RNF17: variants seen among roughly 807,000 people sequenced by gnomAD.
RNF17 encodes the protein spermatogenesis associated 23.
A neutral mutation model predicts 200.5 loss-of-function variants in RNF17; 31 were observed. The observed-to-expected ratio is 0.15, with a 90% CI of 0.12 to 0.21. The LOEUF is 0.21. Ranked by LOEUF, RNF17 falls within the 10% of genes least tolerant of loss-of-function variation. The pLI is 1.00. For missense variants in RNF17, 1,628 were observed against 1,905.1 expected, an observed-to-expected ratio of 0.85 and a Z score of 2.71; for synonymous variants, 606 against 637.8, an observed-to-expected ratio of 0.95 and a Z score of 0.75.
At chr13:24,795,479 C>T (rs77972381) in intron 10 of RNF17, among the ~76,000 whole-genome samples, 2,693 of 148,740 alleles carry the variant, frequency 0.018, 38 homozygotes, top group Middle Eastern at 0.048. Context: ...TTTTGCATTC[C>T]TTCCTTAACA....
chr13:24,828,479 C>T (rs1425994500), intron 16 of RNF17, among the ~76,000 whole-genome samples: 2 of 152,028 alleles, frequency 1.3e-5, no homozygotes, highest in East Asian at 3.9e-4. Flanking sequence ...TCAGCTGTTT[C>T]GTTGTTTACT....
intron 7 of RNF17, 28 bp downstream of exon 7, chr13:24,788,187 A>C: frequency 1.3e-6 from 2 of 1,521,524 alleles, no homozygotes; most frequent in Non-Finnish European, 1.8e-6. Flanking sequence ...AATGTGAGTT[A>C]TTTCTGTGGT....
chr13:24,776,883 CAT>C (rs1250970011), intron 3 of RNF17, among the ~76,000 whole-genome samples: 1 of 152,138 alleles, frequency 6.6e-6, no homozygotes, highest in African/African-American at 2.4e-5. Flanking sequence ...TTTTCTGACA[CAT>C]GATGCCAGTC....
At chr13:24,856,096 T>G (rs1358688004) in intron 25 of RNF17, among the ~76,000 whole-genome samples, 1 of 150,610 alleles carries the variant, frequency 6.6e-6, no homozygotes, top group Non-Finnish European at 1.5e-5. Flanking sequence ...TTATCAATCT[T>G]CTTTGTTTTT....
At chr13:24,883,098 T>C, downstream of RNF17, 1 of 1,274,430 alleles carries the variant, frequency 7.8e-7, no homozygotes, top group Admixed American at 1.7e-5. Context: ...ACACAATAAA[T>C]TAAACAGAAT....
chr13:24,837,507 C>T (rs1890146014), intron 18 of RNF17, among the ~76,000 whole-genome samples: 1 of 152,102 alleles, frequency 6.6e-6, no homozygotes, highest in Admixed American at 6.6e-5. Context: ...CTCTCTCAGA[C>T]CACAGTGAAA....
intron 22 of RNF17, 118 bp from the exon 23 acceptor site, chr13:24,850,223 T>TA: frequency 2.0e-6 from 1 of 503,226 alleles, no homozygotes; most frequent in Middle Eastern, 4.7e-4. Context: ...TTGTTTTTTT[T>TA]ACTACATATA....
chr13:24,811,527 C>A (rs1886616182), intron 15 of RNF17, among the ~76,000 whole-genome samples: 1 of 151,772 alleles, frequency 6.6e-6, no homozygotes, highest in Non-Finnish European at 1.5e-5. Flanking sequence ...ATTGGTTATT[C>A]TAGTTATACA....
At chr13:24,846,286 A>G (rs932406976) in intron 22 of RNF17, among the ~76,000 whole-genome samples, 1 of 152,216 alleles carries the variant, frequency 6.6e-6, no homozygotes, top group African/African-American at 2.4e-5. Flanking sequence ...GGCCTGCAGA[A>G]TGTTTTTTGA....
intron 6 of RNF17, among the ~76,000 whole-genome samples, chr13:24,783,296 G>GTT (rs1286437651): frequency 6.6e-6 from 1 of 152,138 alleles, no homozygotes; most frequent in African/African-American, 2.4e-5. Context: ...GACTACTGTT[G>GTT]TTTTGTAGTA....
chr13:24,759,100 A>AAAC, the RNF17 span, among the ~76,000 whole-genome samples: 7 of 151,472 alleles, frequency 4.6e-5, no homozygotes, highest in Admixed American at 3.3e-4. Flanking sequence ...AAAAAAAAAA[A>AAAC]AAACAACACT....
At chr13:24,755,944 A>G in the RNF17 span, among the ~76,000 whole-genome samples, 57 of 152,328 alleles carry the variant, frequency 3.7e-4, no homozygotes, top group Non-Finnish European at 7.4e-4. Flanking sequence ...TAGTATGTAA[A>G]GCAAACACAT....
At chr13:24,885,971 T>C in the RNF17 span, 1 of 429,480 alleles carries the variant, frequency 2.3e-6, no homozygotes, top group Non-Finnish European at 4.3e-6. Flanking sequence ...AAGGTGCAGA[T>C]AAAAGAGGCA....
intron 29 of RNF17, among the ~76,000 whole-genome samples, chr13:24,865,917 T>A (rs952262195): frequency 3.3e-5 from 5 of 152,196 alleles, no homozygotes; most frequent in African/African-American, 1.2e-4. Flanking sequence ...CCCACTCTTA[T>A]AATAAATGAA....
At chr13:24,862,226 A>G (rs1189420538) in intron 27 of RNF17, among the ~76,000 whole-genome samples, 1 of 152,188 alleles carries the variant, frequency 6.6e-6, no homozygotes. Context: ...TGTCCACCAT[A>G]AGTGTAGTCA....
In RNF17 at chr13:24,789,436, A is replaced by G; in HGVS notation, c.860+12A>G. ...AGGAACCCTCCCAGGTAAGTAAGTC[A>G]TAGTTCAGGAGACCATAACAAGTAT... On this transcript the variant is annotated intron_variant, in intron 8 of 35. Transcript: ENST00000255324. 2 of 1,535,432 alleles carry G rather than the reference A, an allele frequency of 1.3e-6. No homozygotes were observed. The highest frequency in any genetic ancestry group is 1.8e-6 in the Non-Finnish European group (2 of 1,110,470).
chr13:24,802,756 A>T (rs1345243549), intron 14 of RNF17, among the ~76,000 whole-genome samples, 185 bp downstream of exon 14: 1 of 152,162 alleles, frequency 6.6e-6, no homozygotes, highest in Admixed American at 6.5e-5. Context: ...AGATAATTGG[A>T]TTTAAGAAAA....
intron 25 of RNF17, among the ~76,000 whole-genome samples, chr13:24,854,467 AT>A (rs11395842): frequency 0.011 from 1,695 of 149,018 alleles, 73 homozygotes; most frequent in Admixed American, 0.083. Context: ...TCAGATGCCA[AT>A]TTTTTTTTTT....
At position 24,768,287 on chromosome 13, in the gene RNF17, C is replaced by CTTT. The variant is rs34718905; in HGVS notation, c.225+934_225+936dup. Among the ~76,000 whole-genome samples, 123 of 136,240 alleles carry CTTT rather than the reference C, an allele frequency of 9.0e-4. 4 individuals carry two copies. The highest frequency in any genetic ancestry group is 1.3e-3 in the East Asian group (6 of 4,694). The allele number at this position is 136,240 out of a possible 152,430, so 89.4% of individuals were successfully genotyped here. A position where few individuals can be genotyped will look rare whatever the true frequency, so the allele number is the denominator to read the frequency against. ...GAAAGTTGACTCAAGCTGTAAATTC[C>CTTT]TTTTTTTTTTTTTTTGAGACGGAGT... is the stretch of plus-strand genomic sequence containing the variant. On this transcript the variant is annotated intron_variant, in intron 2 of 35. Transcript: ENST00000255324.
Sources: allele counts gnomAD v4.1 joint callset (sites outside exome capture counted in the v4.1 genomes callset), GRCh38; gene constraint gnomAD v4.1.1; transcripts MANE v1.5; gene names NCBI Gene and HGNC (gene_info 2026-07-23, HGNC 2026-07-21).